The following COLEC10 variants were observed in gnomAD, a reference collection of about 807,000 sequenced individuals.
COLEC10 encodes collectin subfamily member 10.
Under a neutral mutation model 28.4 loss-of-function variants are expected in COLEC10, and 22 were observed. The ratio of observed to expected loss-of-function variants is 0.78; its 90% CI spans 0.55 to 1.11. The LOEUF is 1.11. Ranked by LOEUF, COLEC10 falls within the 50% of genes least tolerant of loss-of-function variation. The pLI is 0.00. For synonymous variants in COLEC10, 125 were observed against 116.1 expected, an observed-to-expected ratio of 1.08 and a Z score of -0.49; for missense variants, 361 against 344.1, an observed-to-expected ratio of 1.05 and a Z score of -0.39.
At chr8:119,042,244 C>G (rs1036199535) in intron 2 of COLEC10, among the ~76,000 whole-genome samples, 4 of 151,884 alleles carry the variant, frequency 2.6e-5, no homozygotes, top group African/African-American at 9.7e-5. Flanking sequence ...GTAATCTTCC[C>G]GTTTCGGCCT....
the COLEC10 span, among the ~76,000 whole-genome samples, chr8:118,985,671 G>A: frequency 3.3e-5 from 5 of 151,940 alleles, no homozygotes; most frequent in African/African-American, 9.7e-5. Flanking sequence ...AGAAAATAAA[G>A]GGGTCTAGAA....
intron 1 of COLEC10, among the ~76,000 whole-genome samples, chr8:118,999,445 G>T (rs916620096): frequency 6.6e-6 from 1 of 152,028 alleles, no homozygotes; most frequent in Non-Finnish European, 1.5e-5. Context: ...ACAAAAATTA[G>T]CCAGGCATGG....
At chr8:119,072,653 G>A (rs2130236186) in intron 1 of COLEC10, among the ~76,000 whole-genome samples, 1 of 152,178 alleles carries the variant, frequency 6.6e-6, no homozygotes, top group South Asian at 2.1e-4. Context: ...GCACCTCAGT[G>A]TTTTATGGGG....
chr8:118,989,725 C>CGTGTGTGTGTGTGTGTGT, the COLEC10 span, among the ~76,000 whole-genome samples: 3 of 144,138 alleles, frequency 2.1e-5, no homozygotes, highest in African/African-American at 8.3e-5. Flanking sequence ...TAAAAATTTG[C>CGTGTGTGTGTGTGTGTGT]ATGTGTGTGT....
chr8:119,032,959 T>C (rs1382512359), intron 2 of COLEC10, among the ~76,000 whole-genome samples: 1 of 152,204 alleles, frequency 6.6e-6, no homozygotes, highest in East Asian at 1.9e-4. Context: ...ATTGTCTGCA[T>C]TTTAAAATAA....
Position 119,085,311 on chromosome 8 carries a change from G to T in COLEC10, c.149-4369G>T, listed in dbSNP as rs979007963. ...ATAGCAGGTCCCAATGAGGCCTGAA[G>T]ATTTCAGTGAAGTGATGAGGTTGAG... is the stretch of plus-strand genomic sequence containing the variant. On this transcript the variant is annotated intron_variant, in intron 1 of 5. Transcript: ENST00000332843. Among the ~76,000 whole-genome samples the T allele has an allele frequency of 1.3e-5, 2 of 152,168 alleles. 1 individual carries two copies. The highest frequency in any genetic ancestry group is 4.2e-4 in the South Asian group (2 of 4,818).
intron 2 of COLEC10, among the ~76,000 whole-genome samples, chr8:119,034,055 T>G (rs1415592874): frequency 6.6e-6 from 1 of 152,142 alleles, no homozygotes; most frequent in South Asian, 2.1e-4. Flanking sequence ...TGGTATACTA[T>G]CCAGACATAA....
the COLEC10 span, among the ~76,000 whole-genome samples, chr8:118,952,714 G>T: frequency 3.3e-5 from 5 of 152,172 alleles, no homozygotes; most frequent in African/African-American, 1.2e-4. Flanking sequence ...AGGGCTATTG[G>T]TATCGGAGCT....
At chr8:118,984,384 C>T in the COLEC10 span, among the ~76,000 whole-genome samples, 1 of 152,058 alleles carries the variant, frequency 6.6e-6, no homozygotes, top group Non-Finnish European at 1.5e-5. Flanking sequence ...CTATTGCGTA[C>T]TAGGCTTAGT....
chr8:119,051,764 C>T (rs2130177657), intron 2 of COLEC10, among the ~76,000 whole-genome samples: 1 of 152,164 alleles, frequency 6.6e-6, no homozygotes, highest in Non-Finnish European at 1.5e-5. Context: ...ATAACATACA[C>T]AGTTTTTAAC....
chr8:119,001,814 T>C (rs1813706890), intron 1 of COLEC10, among the ~76,000 whole-genome samples: 1 of 152,202 alleles, frequency 6.6e-6, no homozygotes, highest in African/African-American at 2.4e-5. Context: ...GAGAACCACT[T>C]TCAGCTTTAA....
chr8:119,101,796 TTTTTG>T (rs751562392), intron 3 of COLEC10, among the ~76,000 whole-genome samples: 9 of 152,166 alleles, frequency 5.9e-5, no homozygotes, highest in African/African-American at 4.8e-5. Flanking sequence ...TACATGTGTT[TTTTTG>T]TTTTGTTTTG....
At chr8:119,070,573 C>CT (rs1815096457) in intron 1 of COLEC10, among the ~76,000 whole-genome samples, 3 of 58,784 alleles carry the variant, frequency 5.1e-5, no homozygotes, top group African/African-American at 9.7e-5. Context: ...TCTCTCCCCC[C>CT]ACCCCTTCTC....
At chr8:118,954,245 A>G in the COLEC10 span, among the ~76,000 whole-genome samples, 1 of 152,258 alleles carries the variant, frequency 6.6e-6, no homozygotes, top group South Asian at 2.1e-4. Flanking sequence ...ATCACAAAAT[A>G]GACTGTGTAT....
Position 119,067,345 on chromosome 8 carries a change from C to T in COLEC10, c.64C>T (p.Gln22Ter), listed in dbSNP as rs1179215413. The change falls in exon 1 of 6, where the codon CAA (glutamine) becomes TAA (stop). Residue 22 changes from glutamine to a stop codon, truncating the protein, a stop_gained. Transcript: ENST00000332843. LOFTEE classifies it high-confidence loss of function. Reference protein sequence around the residue: ...QFILLVLFLLQIQSLGLDIDS... With the variant: ...QFILLVLFLL ...TATCCTCCTGGTACTATTTCTTTTG[C>T]AAATTCAGAGTCTGGGTCTGGATAT... The T allele has an allele frequency of 9.3e-6, 15 of 1,613,936 alleles. No homozygotes were observed. The highest frequency in any genetic ancestry group is 1.2e-5 in the Non-Finnish European group (14 of 1,179,938).
chr8:119,074,264 G>C (rs71532418), intron 1 of COLEC10, among the ~76,000 whole-genome samples: 4,610 of 152,070 alleles, frequency 0.03, 113 homozygotes, highest in South Asian at 0.075. Context: ...TAAATTAATT[G>C]TACATTTGTA....
the COLEC10 span, among the ~76,000 whole-genome samples, chr8:118,970,023 C>T: frequency 3.0e-4 from 45 of 152,128 alleles, no homozygotes; most frequent in African/African-American, 9.9e-4. Context: ...CTACAGACTG[C>T]ATTTGCAATC....
intron 1 of COLEC10, 42 bp downstream of exon 1, chr8:119,067,471 A>T: frequency 2.5e-6 from 4 of 1,579,662 alleles, no homozygotes; most frequent in African/African-American, 2.7e-5. Context: ...AATAAATATG[A>T]TATCTTCCCT....
At chr8:118,981,114 A>C in the COLEC10 span, among the ~76,000 whole-genome samples, 1 of 151,950 alleles carries the variant, frequency 6.6e-6, no homozygotes, top group Non-Finnish European at 1.5e-5. Flanking sequence ...GTTATAACAC[A>C]ATAGGGAGTG....
Sources: allele counts gnomAD v4.1 joint callset (sites outside exome capture counted in the v4.1 genomes callset), GRCh38; gene constraint gnomAD v4.1.1; transcripts MANE v1.5; gene names NCBI Gene and HGNC (gene_info 2026-07-23, HGNC 2026-07-21).